PCDHA3: variants seen among roughly 807,000 people sequenced by gnomAD.
PCDHA3 encodes protocadherin alpha 3, also known as protocadherin alpha-3.
Under a neutral mutation model 62.2 loss-of-function variants are expected in PCDHA3, and 41 were observed. The observed-to-expected ratio is 0.66, with a 90% CI of 0.51 to 0.86. The LOEUF (loss-of-function observed/expected upper bound fraction) is 0.86, where lower values mean the gene tolerates loss of function less well. Ranked by LOEUF, PCDHA3 falls within the 40% of genes least tolerant of loss-of-function variation. The pLI is 0.00. For missense variants in PCDHA3, 1,304 were observed against 1,241.2 expected, an observed-to-expected ratio of 1.05 and a Z score of -0.76; for synonymous variants, 640 against 555.4, an observed-to-expected ratio of 1.15 and a Z score of -2.14.
chr5:140,928,068 C>T (rs1554205429), intron 1 of PCDHA3: 2 of 1,614,214 alleles, frequency 1.2e-6, no homozygotes, highest in Non-Finnish European at 1.7e-6. Context: ...CTTCCTTTGA[C>T]AACTACTACA....
At chr5:140,822,105 C>A (rs2150113718) in intron 1 of PCDHA3, 68 of 1,614,128 alleles carry the variant, frequency 4.2e-5, no homozygotes, top group Non-Finnish European at 5.6e-5. Context: ...TGATCGTGGA[C>A]AGGCCGCTGC....
rs1554229569 is a variant in PCDHA3, at chr5:140,967,454, G to A, written c.2395-11495G>A. ...CTTGCACCACCTGGTTCTCACAGCCGTGGATGGGGGCATCCCAGCCCGCTC... is the reference window on the plus strand; with the variant it reads ...CTTGCACCACCTGGTTCTCACAGCCATGGATGGGGGCATCCCAGCCCGCTC... On this transcript the variant is annotated intron_variant, in intron 1 of 3. Transcript: ENST00000522353. 6.2e-7 allele frequency: 1 copy of A among 1,613,614 alleles called. No individual in the cohort carries two copies. Among genetic ancestry groups the A allele is most frequent in the Admixed American group, 1.7e-5 (1 of 60,010 alleles).
chr5:140,903,020 A>G lies in PCDHA3; in HGVS notation c.2395-75929A>G, dbSNP rs375776888. ...AATTGTGAATTGTGCTGCTATCAAC[A>G]TGGCTTGCACATGTGTCTTTTTCAT... On this transcript the variant is annotated intron_variant, in intron 1 of 3. Coordinates refer to ENST00000522353, the MANE Select transcript of PCDHA3 (RefSeq NM_018906.3). Among the ~76,000 whole-genome samples the G allele has an allele frequency of 2.4e-4, 36 of 152,312 alleles. No homozygotes were observed. In the East Asian group the frequency reaches 6.4e-3, roughly 27 times the overall value.
chr5:140,807,586 C>G (rs782149681), intron 1 of PCDHA3: 3 of 1,614,152 alleles, frequency 1.9e-6, no homozygotes, highest in South Asian at 1.1e-5. Context: ...CGCCGGTGTT[C>G]CCAGCAACAC....
chr5:140,896,959 T>C (rs1486927062), intron 1 of PCDHA3, among the ~76,000 whole-genome samples: 1 of 152,204 alleles, frequency 6.6e-6, no homozygotes, highest in Non-Finnish European at 1.5e-5. Context: ...CCTTAAACAT[T>C]TATTCTTTGC....
chr5:140,928,694 C>T, intron 1 of PCDHA3: 1 of 1,614,166 alleles, frequency 6.2e-7, no homozygotes, highest in South Asian at 1.1e-5. Flanking sequence ...TACCACATCT[C>T]CCGGGCGTCT....
At chr5:140,878,063 T>A (rs2057461897) in intron 1 of PCDHA3, 1 of 402,806 alleles carries the variant, frequency 2.5e-6, no homozygotes, top group Non-Finnish European at 4.1e-6. Context: ...CACTTAATAT[T>A]TTTCTTTTTC....
rs571694728 is a variant in PCDHA3, at chr5:140,949,343, CTG to C, written c.2395-29602_2395-29601del. Among the ~76,000 whole-genome samples the C allele has an allele frequency of 8.0e-4, 121 of 151,818 alleles. 1 individual carries two copies. Among genetic ancestry groups the C allele is most frequent in the Admixed American group, 3.5e-3 (54 of 15,258 alleles). On this transcript the variant is annotated intron_variant, in intron 1 of 3. Transcript: ENST00000522353. ...TATAAATTATTGTTATCCAGATTTT[CTG>C]TGTCTTTATTTTTTTGTCTAGTTGT...
At chr5:140,829,581 G>T (rs143213882) in intron 1 of PCDHA3, 38 of 1,612,162 alleles carry the variant, frequency 2.4e-5, no homozygotes, top group African/African-American at 1.6e-4. Flanking sequence ...CTGGTGGAGC[G>T]GCGGGTGGGC....
At chr5:141,002,757 A>G (rs1234528731) in intron 3 of PCDHA3, among the ~76,000 whole-genome samples, 1 of 152,224 alleles carries the variant, frequency 6.6e-6, no homozygotes, top group African/African-American at 2.4e-5. Context: ...CAACCCTGTG[A>G]TGTAGACAGG....
chr5:140,823,732 CA>C, intron 1 of PCDHA3: 1 of 1,613,860 alleles, frequency 6.2e-7, no homozygotes, highest in Non-Finnish European at 8.5e-7. Context: ...GGTGAAGGAC[CA>C]TGGAGAGCCC....
At position 140,802,691 on chromosome 5, in the gene PCDHA3, G is replaced by A; in HGVS notation, c.1494G>A (p.Arg498=). ...ALVSYSLVER[R]VGERALSSYV... The stretch of plus-strand genomic sequence containing the variant: ...TGTCCTACTCGCTGGTGGAACGGCG[G>A]GTGGGGGAGCGCGCGCTGTCGAGCT... The change falls in exon 1 of 4, where the codon CGG becomes CGA. Residue 498 remains arginine, a synonymous_variant. Transcript: ENST00000522353. 1.2e-6 allele frequency: 2 copies of A among 1,612,968 alleles called. No individual in the cohort carries two copies. Among genetic ancestry groups the A allele is most frequent in the Middle Eastern group, 1.8e-4 (1 of 5,420 alleles).
At chr5:140,929,391 A>G in intron 1 of PCDHA3, 1 of 1,511,404 alleles carries the variant, frequency 6.6e-7, no homozygotes, top group South Asian at 1.4e-5. Flanking sequence ...GTTTTGAAAT[A>G]TTTCTTAGAC....
intron 1 of PCDHA3, chr5:140,850,438 T>A: frequency 6.3e-7 from 1 of 1,597,768 alleles, no homozygotes; most frequent in Non-Finnish European, 8.6e-7. Context: ...CAGCGCCTAC[T>A]GGTGCTGGTG....
chr5:140,806,993 G>T, intron 1 of PCDHA3: 1 of 679,892 alleles, frequency 1.5e-6, no homozygotes, highest in Non-Finnish European at 2.4e-6. Context: ...GCCACATGAT[G>T]TCGCTCTTTA....
chr5:140,915,077 C>G (rs2076970768), intron 1 of PCDHA3, among the ~76,000 whole-genome samples: 1 of 151,656 alleles, frequency 6.6e-6, no homozygotes. Flanking sequence ...TACTGAGTAG[C>G]TGGGACTATG....
chr5:140,975,120 C>T (rs2096654332), intron 1 of PCDHA3, among the ~76,000 whole-genome samples: 1 of 152,140 alleles, frequency 6.6e-6, no homozygotes, highest in African/African-American at 2.4e-5. Flanking sequence ...TGTTTTCCTA[C>T]TTACTATTGG....
intron 1 of PCDHA3, chr5:140,834,252 A>G (rs1772864015): frequency 7.6e-6 from 7 of 916,288 alleles, no homozygotes; most frequent in Non-Finnish European, 1.2e-5. Context: ...CACTGGAAAG[A>G]CGCTCCACTC....
At chr5:140,809,025 CG>C in intron 1 of PCDHA3, 1 of 1,613,630 alleles carries the variant, frequency 6.2e-7, no homozygotes, top group Non-Finnish European at 8.5e-7. Context: ...GAGCTGCAGC[CG>C]GGGACTGGTG....
Sources: allele counts gnomAD v4.1 joint callset (sites outside exome capture counted in the v4.1 genomes callset), GRCh38; gene constraint gnomAD v4.1.1; transcripts MANE v1.5; gene names NCBI Gene and HGNC (gene_info 2026-07-23, HGNC 2026-07-21).